Variants in NHP2 observed in about 807,000 individuals in gnomAD.
NHP2 encodes the protein NHP2 ribonucleoprotein.
NHP2 carries 10 observed loss-of-function variants against 16.7 expected under a neutral mutation model. The observed-to-expected ratio is 0.60, with a 90% CI of 0.37 to 1.01. The LOEUF is 1.01. Ranked by LOEUF, NHP2 falls within the 50% of genes least tolerant of loss-of-function variation. The pLI is 0.01. For synonymous variants in NHP2, 87 were observed against 78.9 expected (o/e 1.10, Z -0.54); for missense variants, 184 against 198.3 (o/e 0.93, Z 0.43).
rs1756260846 is a variant in NHP2, at chr5:178,150,899, G to A, written c.325C>T (p.Pro109Ser). 1.9e-6 allele frequency: 3 copies of A among 1,611,360 alleles called. No homozygotes were observed. The highest frequency in any genetic ancestry group is 2.5e-6 in the Non-Finnish European group (3 of 1,177,610). Residue 109 changes from proline to serine, a missense_variant, in exon 3 of 4, where the codon CCC (proline) becomes TCC (serine). Transcript: ENST00000274606. The stretch of plus-strand genomic sequence containing the variant: ...CACGTGCTCCTTACCGTCTTAGAGG[G>A]GATATAGACATAGGGCAAATTTCGG... ...EDRNLPYVYI[P>S]SKTDLGAAAG...
At chr5:178,151,378 G>A (rs1182647915) in intron 2 of NHP2, among the ~76,000 whole-genome samples, 1 of 152,180 alleles carries the variant, frequency 6.6e-6, no homozygotes, top group Non-Finnish European at 1.5e-5. Flanking sequence ...ACTGGCAGGG[G>A]ACACCCCCAA....
Position 178,151,056 on chromosome 5 carries a change from T to C in NHP2, c.231-63A>G, listed in dbSNP as rs545051912. ...CCTTCCTTCTTTCAGTTTTAAGTGC[T>C]GCCCTGGGCTGGGTCTTAGGGATAG... is the stretch of plus-strand genomic sequence containing the variant. On this transcript the variant is annotated intron_variant, in intron 2 of 3. Coordinates refer to ENST00000274606, the MANE Select transcript of NHP2 (RefSeq NM_017838.4). The C allele has an allele frequency of 1.3e-3, 1,765 of 1,389,700 alleles. 3 individuals carry two copies. The highest frequency in any genetic ancestry group is 1.6e-3 in the Non-Finnish European group (1,608 of 976,886). The allele number at this position is 1,389,700 out of a possible 1,614,324, so 86.1% of individuals were successfully genotyped here.
rs150844606 is a variant in NHP2, at chr5:178,149,705, G to A, written c.*8C>T. ...CAGCGGCAGGTGCCCAGGTGCTACCGGAGCCCCTCATAGGGGTAGGGGCAG... is the reference window on the plus strand; with the variant it reads ...CAGCGGCAGGTGCCCAGGTGCTACCAGAGCCCCTCATAGGGGTAGGGGCAG... On this transcript the variant is annotated 3_prime_UTR_variant, in exon 4 of 4. Transcript: ENST00000274606. 1.6e-4 allele frequency: 254 copies of A among 1,613,040 alleles called. 3 individuals carry two copies. The East Asian group carries it at 5.0e-3, about 32-fold the overall frequency.
At chr5:178,153,603 C>T in intron 1 of NHP2, 43 bp from the exon 2 acceptor site, 1 of 1,613,654 alleles carries the variant, frequency 6.2e-7, no homozygotes. Context: ...GCTCAGCCAC[C>T]CGCGCACCCA....
At chr5:178,150,269 AACTG>A (rs1214587399) in intron 3 of NHP2, 97 of 219,008 alleles carry the variant, frequency 4.4e-4, no homozygotes, top group African/African-American at 2.0e-3. Context: ...GTCCACAGAT[AACTG>A]ACTATTTGGT....
At chr5:178,153,314 A>G (rs1581137822) in intron 2 of NHP2, 177 bp downstream of exon 2, 2 of 706,332 alleles carry the variant, frequency 2.8e-6, no homozygotes, top group Non-Finnish European at 2.6e-6. Flanking sequence ...GAGCTGGTAT[A>G]CGTGGTGTAC....
At chr5:178,149,957 G>C (rs1166658945) in intron 3 of NHP2, 119 bp from the exon 4 acceptor site, 28 of 1,122,538 alleles carry the variant, frequency 2.5e-5, no homozygotes, top group Non-Finnish European at 3.6e-5. Context: ...TTCGGTCCAT[G>C]TTCTATTTAA....
At chr5:178,153,325 CGGTATTGTCGTACCGGTATT>C (rs936292362) in intron 2 of NHP2, 146 bp downstream of exon 2, 18 of 724,972 alleles carry the variant, frequency 2.5e-5, no homozygotes, top group Non-Finnish European at 4.3e-5. Flanking sequence ...CGTGGTGTAC[CGGTATTGTCGTACCGGTATT>C]GTACCAAAGG....
chr5:178,150,384 A>ATTT, intron 3 of NHP2: 3 of 225,434 alleles, frequency 1.3e-5, no homozygotes, highest in Non-Finnish European at 1.8e-5. Flanking sequence ...CCCAGCCTCT[A>ATTT]TTTTTTTTTT....
rs1756238383 is a variant in NHP2 at position 178,150,369 on chromosome 5, C to T, written c.336+519G>A. The T allele has an allele frequency of 1.2e-5, 3 of 258,624 alleles. No individual in the cohort carries two copies. In the South Asian group the frequency reaches 1.2e-4, roughly 11 times the overall value. The allele number at this position is 258,624 out of a possible 1,614,324, so 16.0% of individuals were successfully genotyped here. On this transcript the variant is annotated intron_variant, in intron 3 of 3. Transcript: ENST00000274606. ...AAGTGATACTGTAGGTACCCAAGAT[C>T]CACCCCCAGCCTCTATTTTTTTTTT... is the stretch of plus-strand genomic sequence containing the variant.
rs1196159721 is a variant in NHP2, at chr5:178,153,751, T to C, written c.67A>G (p.Thr23Ala). ...AQAEACSGER[T>A]YQELLVNQNP... is the part of the protein sequence containing the mutation. ...TGGTTGACCAGCAGCTCCTGGTAGG[T>C]GCGCTCCCCGGAACACGCCTCCGCC... is the stretch of plus-strand genomic sequence containing the variant. Residue 23 changes from threonine to alanine, a missense_variant, in exon 1 of 4, where the codon ACC (threonine) becomes GCC (alanine). Transcript: ENST00000274606. 43 of 1,613,460 alleles carry C rather than the reference T, an allele frequency of 2.7e-5. No individual in the cohort carries two copies. Among genetic ancestry groups the C allele is most frequent in the Non-Finnish European group, 3.5e-5 (41 of 1,179,722 alleles).
Position 178,150,923 on chromosome 5 carries a change from G to A in NHP2, c.301C>T (p.Arg101Ter), listed in dbSNP as rs753940442. The A allele has an allele frequency of 7.4e-6, 12 of 1,613,880 alleles. No homozygotes were observed. Among genetic ancestry groups the A allele is most frequent in the East Asian group, 2.2e-5 (1 of 44,892 alleles). The change falls in exon 3 of 4, where the codon CGA (arginine) becomes TGA (stop). Residue 101 changes from arginine to a stop codon, truncating the protein, a stop_gained. Transcript: ENST00000274606. LOFTEE classifies it high-confidence loss of function. The part of the protein sequence containing the change: ...YCHLPVMCED[R>*]NLPYVYIPSK... ...GGGATATAGACATAGGGCAAATTTC[G>A]GTCCTCACACATGACTGGGAGATGG...
chr5:178,151,978 A>G (rs1006189428), intron 2 of NHP2, among the ~76,000 whole-genome samples: 2 of 151,936 alleles, frequency 1.3e-5, no homozygotes, highest in Admixed American at 1.3e-4. Flanking sequence ...TCACATCTCA[A>G]GATTGGGCCC....
intron 2 of NHP2, chr5:178,153,084 C>T: frequency 6.1e-6 from 2 of 325,628 alleles, no homozygotes; most frequent in Non-Finnish European, 1.2e-5. Context: ...AGACCCATCT[C>T]AAAAACAAAC....
chr5:178,153,495 T>C lies in NHP2; in HGVS notation c.226A>G (p.Lys76Glu). Residue 76 changes from lysine (K) to glutamate (E), a missense_variant, in exon 2 of 4, where the codon AAA (lysine) becomes GAA (glutamate). Lys to Glu is a moderately conservative substitution (Grantham distance 56). Transcript: ENST00000274606. ...CAGAGGAAGGAAGGTTCTTACCCTTTTTCTCCTTTGTTGACAAATTTCTGA... is the reference window on the plus strand; with the variant it reads ...CAGAGGAAGGAAGGTTCTTACCCTTCTTCTCCTTTGTTGACAAATTTCTGA... ...EVQKFVNKGEKGIMVLAGDTL... is the reference protein window; with the variant it reads ...EVQKFVNKGEEGIMVLAGDTL... 1.2e-6 allele frequency: 2 copies of C among 1,614,168 alleles called. No homozygotes were observed. Among genetic ancestry groups the C allele is most frequent in the Non-Finnish European group, 1.7e-6 (2 of 1,180,006 alleles).
In NHP2 at chr5:178,149,596, C is replaced by T. The variant is rs1028813267; in HGVS notation, c.*117G>A. 16 of 1,360,114 alleles carry T rather than the reference C, an allele frequency of 1.2e-5. 1 individual carries two copies. Among genetic ancestry groups the T allele is most frequent in the South Asian group, 3.7e-5 (3 of 80,264 alleles). The allele number at this position is 1,360,114 out of a possible 1,614,324, so 84.3% of individuals were successfully genotyped here. ...CTGTTAGAGCTGCCTGGGAAGAAGGCGTGCCTTGGGGAACTGGGAAGATGC... is the reference window on the plus strand; with the variant it reads ...CTGTTAGAGCTGCCTGGGAAGAAGGTGTGCCTTGGGGAACTGGGAAGATGC... On this transcript the variant is annotated 3_prime_UTR_variant, in exon 4 of 4. Coordinates refer to ENST00000274606, the MANE Select transcript of NHP2 (RefSeq NM_017838.4).
At chr5:178,149,903 AACT>A in intron 3 of NHP2, 65 bp from the exon 4 acceptor site, 1 of 1,575,284 alleles carries the variant, frequency 6.3e-7, no homozygotes, top group Non-Finnish European at 8.7e-7. Context: ...GGAAGTCACC[AACT>A]GATGACCCAC....
Position 178,153,766 on chromosome 5 carries a change from A to C in NHP2, c.52T>G (p.Cys18Gly). 1 of 1,612,936 alleles carries C rather than the reference A, an allele frequency of 6.2e-7. No homozygotes were observed. The highest frequency in any genetic ancestry group is 8.5e-7 in the Non-Finnish European group (1 of 1,179,462). ...PDGPEAQAEACSGERTYQELL... is the reference protein window; with the variant it reads ...PDGPEAQAEAGSGERTYQELL... Reference sequence around the variant, plus strand: ...TCCTGGTAGGTGCGCTCCCCGGAACACGCCTCCGCCTGAGCCTCGGGCCCG... The same window carrying C: ...TCCTGGTAGGTGCGCTCCCCGGAACCCGCCTCCGCCTGAGCCTCGGGCCCG... Residue 18 changes from cysteine (C) to glycine (G), a missense_variant, in exon 1 of 4, where the codon TGT becomes GGT. Transcript: ENST00000274606.
chr5:178,153,434 A>G, intron 2 of NHP2, 57 bp downstream of exon 2: 1 of 1,570,212 alleles, frequency 6.4e-7, no homozygotes, highest in Non-Finnish European at 8.8e-7. Context: ...CCTACTAAGT[A>G]GAGATTTCTC....
Sources: gnomAD v4.1 joint callset for allele counts (sites outside exome capture counted in the v4.1 genomes callset) on GRCh38, gnomAD v4.1.1 for gene constraint, MANE v1.5 for transcripts, NCBI Gene and HGNC (gene_info 2026-07-23, HGNC 2026-07-21) for gene names.